Variants in CHST9 observed in about 807,000 individuals in gnomAD.
CHST9 encodes the protein GalNAc-4-sulfotransferase 2.
A neutral mutation model predicts 44.4 loss-of-function variants in CHST9; 41 were observed. The observed-to-expected ratio is 0.92, with a 90% CI of 0.72 to 1.20. The LOEUF is 1.20. CHST9 is among the 50% of genes most tolerant of loss of function. The pLI, the probability that CHST9 is intolerant of heterozygous loss-of-function variation, is 0.00. For missense variants in CHST9, 504 were observed against 516.5 expected (o/e 0.98, Z 0.23); for synonymous variants, 171 against 178.4 (o/e 0.96, Z 0.33).
chr18:27,137,346 G>C (rs901872466), intron 2 of CHST9, among the ~76,000 whole-genome samples: 3 of 111,578 alleles, frequency 2.7e-5, no homozygotes, highest in African/African-American at 9.8e-5. Flanking sequence ...GTGTGTGTGT[G>C]TGTGTGTGTA....
Position 26,913,753 on chromosome 18 carries a change from C to T in CHST9, c.*2506G>A, listed in dbSNP as rs2145037624. ...TCCTAAAGAACAGTGGTGTTCCCAC[C>T]TGGATTTATGCACAGGCAGAAATGA... On this transcript the variant is annotated 3_prime_UTR_variant, in exon 6 of 6. Transcript: ENST00000618847. The T allele has an allele frequency of 6.6e-6, 1 of 152,268 alleles. No homozygotes were observed. Among genetic ancestry groups the T allele is most frequent in the Admixed American group, 6.5e-5 (1 of 15,286 alleles). The allele number at this position is 152,268 out of a possible 1,614,324, so 9.4% of individuals were successfully genotyped here.
At chr18:26,996,263 AT>A (rs980445727) in intron 4 of CHST9, among the ~76,000 whole-genome samples, 1 of 151,932 alleles carries the variant, frequency 6.6e-6, no homozygotes, top group African/African-American at 2.4e-5. Context: ...AGTCAGCAAC[AT>A]TTTTTTTAAT....
intron 4 of CHST9, among the ~76,000 whole-genome samples, chr18:26,980,900 A>G (rs1040941938): frequency 1.3e-5 from 2 of 152,222 alleles, no homozygotes; most frequent in Non-Finnish European, 2.9e-5. Context: ...ATCCCAGTGC[A>G]GAAAGAATAT....
intron 2 of CHST9, among the ~76,000 whole-genome samples, chr18:27,137,804 C>G (rs1465690203): frequency 1.3e-5 from 2 of 152,138 alleles, no homozygotes; most frequent in African/African-American, 4.8e-5. Flanking sequence ...TACACCATGA[C>G]TTTTGGTATG....
chr18:27,052,159 C>A (rs2057574219), intron 2 of CHST9, among the ~76,000 whole-genome samples: 1 of 151,780 alleles, frequency 6.6e-6, no homozygotes, highest in African/African-American at 2.4e-5. Flanking sequence ...TATATAAATT[C>A]CACCTATTAG....
At chr18:27,167,795 G>T (rs2058802235) in intron 1 of CHST9, among the ~76,000 whole-genome samples, 1 of 152,188 alleles carries the variant, frequency 6.6e-6, no homozygotes, top group Non-Finnish European at 1.5e-5. Context: ...GCTGCGATCT[G>T]AAGTATGGGA....
In CHST9 at chr18:26,914,358, G is replaced by A. The variant is rs2055482633; in HGVS notation, c.*1901C>T. The A allele has an allele frequency of 6.6e-6, 1 of 151,944 alleles. No individual in the cohort carries two copies. Among genetic ancestry groups the A allele is most frequent in the African/African-American group, 2.4e-5 (1 of 41,362 alleles). 9.4% of individuals were successfully genotyped at this position (151,944 alleles called of 1,614,324 possible). A position where few individuals can be genotyped will look rare whatever the true frequency, so the allele number is the denominator to read the frequency against. On this transcript the variant is annotated 3_prime_UTR_variant, in exon 6 of 6. Transcript: ENST00000618847. ...GTGGATTTCATATAAAGCAAGTTTT[G>A]TGTTTCTTAGGAATAAAATTTCAGG...
chr18:26,994,229 C>T lies in CHST9; in HGVS notation c.202+29887G>A, dbSNP rs116576228. ...AACTCAGTTCCTAACACTAGGTTTC[C>T]GAAAAGATTTTACACATCAATGTAT... On this transcript the variant is annotated intron_variant, in intron 4 of 5. Coordinates refer to ENST00000618847, the MANE Select transcript of CHST9 (RefSeq NM_031422.6). 9.2e-3 allele frequency among the ~76,000 whole-genome samples: 1,399 copies of T among 152,140 alleles called. 21 individuals carry two copies. The highest frequency in any genetic ancestry group is 0.032 in the African/African-American group (1,334 of 41,512).
chr18:26,921,593 A>G (rs1310371227), intron 5 of CHST9, among the ~76,000 whole-genome samples: 1 of 151,948 alleles, frequency 6.6e-6, no homozygotes, highest in Non-Finnish European at 1.5e-5. Flanking sequence ...CACAGCAAAG[A>G]CTCCATGACT....
chr18:27,029,258 G>A (rs1347805881), intron 3 of CHST9, among the ~76,000 whole-genome samples: 2 of 152,136 alleles, frequency 1.3e-5, no homozygotes, highest in Admixed American at 1.3e-4. Context: ...TTTTCCTTGA[G>A]TTAACCCATG....
At chr18:27,121,562 T>C (rs980842662) in intron 2 of CHST9, among the ~76,000 whole-genome samples, 2 of 152,092 alleles carry the variant, frequency 1.3e-5, no homozygotes, top group African/African-American at 4.8e-5. Context: ...TTTTGGTAAA[T>C]AATTGGGGAA....
At chr18:26,969,027 C>T (rs1254798644) in intron 4 of CHST9, among the ~76,000 whole-genome samples, 1 of 142,028 alleles carries the variant, frequency 7.0e-6, no homozygotes, top group Admixed American at 7.4e-5. Flanking sequence ...GAGATGGAGT[C>T]TCGCTCTGTC....
At chr18:27,102,362 T>C (rs2058181769) in intron 2 of CHST9, among the ~76,000 whole-genome samples, 1 of 152,096 alleles carries the variant, frequency 6.6e-6, no homozygotes, top group South Asian at 2.1e-4. Flanking sequence ...TTTATGAAGG[T>C]GTTGTGATGA....
In CHST9 at chr18:27,153,544, C is replaced by CTG. The variant is rs748908317; in HGVS notation, c.-96-10640_-96-10639insCA. ...TCTGTCTTTCTCTCTCTCTCTCTCT[C>CTG]TCTGTGTGTGTGTGTGTGTGTGTAT... On this transcript the variant is annotated intron_variant, in intron 1 of 5. Coordinates refer to ENST00000618847, the MANE Select transcript of CHST9 (RefSeq NM_031422.6). Among the ~76,000 whole-genome samples, 30 of 95,510 alleles carry CTG rather than the reference C, an allele frequency of 3.1e-4. No individual in the cohort carries two copies. The East Asian group carries it at 0.01, about 32-fold the overall frequency. The allele number at this position is 95,510 out of a possible 152,430, so 62.7% of individuals were successfully genotyped here.
intron 1 of CHST9, among the ~76,000 whole-genome samples, chr18:27,173,614 T>C (rs1259057771): frequency 6.6e-6 from 1 of 152,042 alleles, no homozygotes; most frequent in African/African-American, 2.4e-5. Flanking sequence ...GCCTGAAACA[T>C]ATTCTTCTAA....
At chr18:26,987,723 C>A (rs967843108) in intron 4 of CHST9, among the ~76,000 whole-genome samples, 1 of 152,062 alleles carries the variant, frequency 6.6e-6, no homozygotes, top group African/African-American at 2.4e-5. Context: ...GAAGTGGGGT[C>A]TTTTGGGAGA....
intron 1 of CHST9, among the ~76,000 whole-genome samples, chr18:27,163,456 C>T (rs2058764979): frequency 6.6e-6 from 1 of 152,210 alleles, no homozygotes; most frequent in Non-Finnish European, 1.5e-5. Context: ...CTGCAGTGGG[C>T]TCCACCCAGT....
intron 2 of CHST9, among the ~76,000 whole-genome samples, chr18:27,071,059 G>T (rs895254510): frequency 6.6e-6 from 1 of 152,074 alleles, no homozygotes; most frequent in Non-Finnish European, 1.5e-5. Flanking sequence ...GCCAACTGGC[G>T]CTAGTTTCTG....
At chr18:27,073,732 C>A (rs1007795415) in intron 2 of CHST9, among the ~76,000 whole-genome samples, 13 of 151,924 alleles carry the variant, frequency 8.6e-5, no homozygotes, top group Admixed American at 7.9e-4. Context: ...CCTACTCCCC[C>A]GCAACCCCCT....
Sources: allele counts gnomAD v4.1 joint callset (sites outside exome capture counted in the v4.1 genomes callset), GRCh38; gene constraint gnomAD v4.1.1; transcripts MANE v1.5; gene names NCBI Gene and HGNC (gene_info 2026-07-23, HGNC 2026-07-21).